The following DPYD variants were observed in gnomAD, a reference collection of about 807,000 sequenced individuals.
DPYD encodes the protein dihydropyrimidine dehydrogenase.
Under a neutral mutation model 116.2 loss-of-function variants are expected in DPYD, and 109 were observed. The observed-to-expected ratio is 0.94, with a 90% CI of 0.80 to 1.10. DPYD has a LOEUF of 1.10. Among genes scored for constraint, DPYD ranks in the 50% least tolerant of loss-of-function variants. DPYD has a pLI of 0.00. For synonymous variants in DPYD, 440 were observed against 432.0 expected (o/e 1.02, Z -0.23); for missense variants, 1,302 against 1,254.5 (o/e 1.04, Z -0.57).
chr1:97,117,617 C>G (rs1284883853), intron 20 of DPYD, among the ~76,000 whole-genome samples: 2 of 152,104 alleles, frequency 1.3e-5, no homozygotes, highest in Non-Finnish European at 2.9e-5. Flanking sequence ...ATTTATCATA[C>G]TTTCTTTAGA....
chr1:97,556,425 T>A (rs1651719092), intron 11 of DPYD, among the ~76,000 whole-genome samples: 2 of 150,560 alleles, frequency 1.3e-5, no homozygotes, highest in Non-Finnish European at 3.0e-5. Context: ...TACATATGTA[T>A]ACATGTGCCA....
At chr1:97,170,435 C>A (rs376622838) in intron 20 of DPYD, among the ~76,000 whole-genome samples, 1 of 152,092 alleles carries the variant, frequency 6.6e-6, no homozygotes, top group South Asian at 2.1e-4. Context: ...GAAATTGACA[C>A]GACTGAAGAG....
chr1:97,239,355 TATA>T (rs756463983), intron 18 of DPYD, among the ~76,000 whole-genome samples: 7 of 152,172 alleles, frequency 4.6e-5, no homozygotes, highest in Non-Finnish European at 7.4e-5. Context: ...TATCATTGGC[TATA>T]ATATTATATA....
intron 10 of DPYD, among the ~76,000 whole-genome samples, chr1:97,581,326 CAAAA>C (rs1161399547): frequency 0.12 from 7,940 of 66,546 alleles, 222 homozygotes; most frequent in Middle Eastern, 0.28. Flanking sequence ...GACTCAGTCT[CAAAA>C]AAAAAAAAAA....
chr1:97,359,897 C>G (rs978066107), intron 16 of DPYD, among the ~76,000 whole-genome samples: 2 of 152,142 alleles, frequency 1.3e-5, no homozygotes, highest in African/African-American at 4.8e-5. Context: ...GAAACTGCAT[C>G]AAGTAACAGG....
intron 1 of DPYD, chr1:97,883,753 T>G: frequency 2.6e-6 from 1 of 377,424 alleles, no homozygotes; most frequent in Non-Finnish European, 5.0e-6. Flanking sequence ...GGTAGCATTT[T>G]TAGGAATCAA....
At chr1:97,092,988 T>C (rs1054765384) in intron 21 of DPYD, among the ~76,000 whole-genome samples, 6 of 152,142 alleles carry the variant, frequency 3.9e-5, no homozygotes, top group Non-Finnish European at 5.9e-5. Flanking sequence ...ATGGCATACC[T>C]GAAATATTCT....
intron 4 of DPYD, among the ~76,000 whole-genome samples, chr1:97,725,165 A>G (rs926250915): frequency 2.0e-5 from 3 of 151,762 alleles, no homozygotes; most frequent in Non-Finnish European, 4.4e-5. Context: ...TAATGAACAA[A>G]CGAAAAATAA....
At position 97,425,432 on chromosome 1, in the gene DPYD, G is replaced by T. The variant is rs923322849; in HGVS notation, c.1905+24627C>A. On this transcript the variant is annotated intron_variant, in intron 14 of 22. Transcript: ENST00000370192. ...TATTATCCTATTAAATATTAACCAA[G>T]AATATTGTTACTAAAACTGTAAAAA... Among the ~76,000 whole-genome samples, 5 of 152,044 alleles carry T rather than the reference G, an allele frequency of 3.3e-5. No homozygotes were observed. The East Asian group carries it at 7.7e-4, about 24-fold the overall frequency.
intron 19 of DPYD, among the ~76,000 whole-genome samples, chr1:97,218,744 C>T (rs925670293): frequency 6.6e-6 from 1 of 151,810 alleles, no homozygotes. Context: ...TAATGATATG[C>T]CAAATCAAAA....
At chr1:97,151,314 T>C (rs1008737802) in intron 20 of DPYD, among the ~76,000 whole-genome samples, 3 of 152,178 alleles carry the variant, frequency 2.0e-5, no homozygotes, top group Non-Finnish European at 4.4e-5. Context: ...TGAAGTCAAC[T>C]GGGAAGACTG....
intron 20 of DPYD, among the ~76,000 whole-genome samples, chr1:97,121,935 T>G (rs1345559088): frequency 6.6e-6 from 1 of 152,108 alleles, no homozygotes; most frequent in Non-Finnish European, 1.5e-5. Context: ...GCAAGTAGAT[T>G]ATGATCTAGG....
intron 16 of DPYD, among the ~76,000 whole-genome samples, chr1:97,326,342 G>T (rs1218804474): frequency 6.6e-6 from 1 of 151,926 alleles, no homozygotes; most frequent in Non-Finnish European, 1.5e-5. Flanking sequence ...CTACCTGAAA[G>T]AATCTGGTTG....
chr1:97,860,215 C>T lies in DPYD; in HGVS notation c.150+23049G>A, dbSNP rs141427595. 3.1e-3 allele frequency among the ~76,000 whole-genome samples: 475 copies of T among 152,156 alleles called. 5 individuals are homozygous for T. Among genetic ancestry groups the T allele is most frequent in the African/African-American group, 0.011 (464 of 41,530 alleles). On this transcript the variant is annotated intron_variant, in intron 2 of 22. Transcript: ENST00000370192. ...AAAATTAGCTGGGTGTGGTGATGCA[C>T]TCCTATAGTCCCAGCTACCCCAGAG...
At chr1:97,754,141 G>C (rs561550340) in intron 3 of DPYD, among the ~76,000 whole-genome samples, 1 of 152,212 alleles carries the variant, frequency 6.6e-6, no homozygotes, top group East Asian at 1.9e-4. Context: ...GAATATAAAT[G>C]TTTAATCTTC....
In DPYD at chr1:97,646,913, C is replaced by T. The variant is rs1019225431; in HGVS notation, c.850+32182G>A. ...TCTGAACAAAATCAAGTTCAGAAAG[C>T]TCTTGGTTGCTGTTGTTTCTTCCCC... is the stretch of plus-strand genomic sequence containing the variant. On this transcript the variant is annotated intron_variant, in intron 8 of 22. Transcript: ENST00000370192. Among the ~76,000 whole-genome samples, 3 of 152,030 alleles carry T rather than the reference C, an allele frequency of 2.0e-5. No individual in the cohort carries two copies. In the South Asian group the frequency reaches 6.2e-4, roughly 31 times the overall value.
chr1:97,332,528 A>G lies in DPYD; in HGVS notation c.2059-26231T>C, dbSNP rs1304468994. 2.0e-5 allele frequency among the ~76,000 whole-genome samples: 3 copies of G among 152,320 alleles called. No homozygotes were observed. In the East Asian group the frequency reaches 5.8e-4, roughly 29 times the overall value. On this transcript the variant is annotated intron_variant, in intron 16 of 22. Coordinates refer to ENST00000370192, the MANE Select transcript of DPYD (RefSeq NM_000110.4). ...ATTTCGTTGAGTTTTGTGTCCTAGA[A>G]GCATCTTCATCTGCTCCAAGCCAAG...
intron 8 of DPYD, among the ~76,000 whole-genome samples, chr1:97,668,004 T>A (rs866928142): frequency 3.9e-4 from 59 of 152,224 alleles, no homozygotes; most frequent in Middle Eastern, 6.8e-3. Context: ...GTACATAGAA[T>A]AGTCAAATTC....
intron 18 of DPYD, among the ~76,000 whole-genome samples, chr1:97,277,179 G>A (rs1029630491): frequency 2.0e-5 from 3 of 151,924 alleles, no homozygotes; most frequent in Admixed American, 1.3e-4. Context: ...ACATATAGAT[G>A]GGAACAACAG....
Sources: allele counts gnomAD v4.1 joint callset (sites outside exome capture counted in the v4.1 genomes callset), GRCh38; gene constraint gnomAD v4.1.1; transcripts MANE v1.5; gene names NCBI Gene and HGNC (gene_info 2026-07-23, HGNC 2026-07-21).